The following SHLD1 variants were observed in gnomAD, a reference collection of about 807,000 sequenced individuals.
SHLD1 encodes shieldin complex subunit 1.
In SHLD1, 3 loss-of-function variants were observed where a neutral mutation model predicts 5.5. The observed-to-expected ratio is 0.54, with a 90% confidence interval of 0.25 to 1.40. The LOEUF is 1.40. SHLD1 is among the 40% of genes most tolerant of loss of function. The pLI is 0.15. For missense variants in SHLD1, 210 were observed against 244.4 expected (o/e 0.86, Z 0.94); for synonymous variants, 92 against 94.3 (o/e 0.98, Z 0.14).
At chr20:5,798,548 C>T (rs559471011) in intron 2 of SHLD1, among the ~76,000 whole-genome samples, 21 of 151,814 alleles carry the variant, frequency 1.4e-4, no homozygotes, top group East Asian at 5.8e-4. Context: ...GTGATCCGCC[C>T]GCCTCGGCCT....
intron 2 of SHLD1, among the ~76,000 whole-genome samples, chr20:5,829,881 G>GAAA (rs11482144): frequency 6.8e-6 from 1 of 147,934 alleles, no homozygotes; most frequent in Non-Finnish European, 1.5e-5. Flanking sequence ...TCTTCTTTAG[G>GAAA]AAAAAAAAAC....
At chr20:5,764,166 ATATATATAT>A (rs1984672760) in intron 1 of SHLD1, among the ~76,000 whole-genome samples, 39 of 95,060 alleles carry the variant, frequency 4.1e-4, no homozygotes, top group African/African-American at 1.4e-3. Context: ...ATTTATATAT[ATATATATAT>A]TTTTATATAT....
At chr20:5,814,599 A>G (rs552855183) in intron 2 of SHLD1, among the ~76,000 whole-genome samples, 1 of 152,016 alleles carries the variant, frequency 6.6e-6, no homozygotes, top group South Asian at 2.1e-4. Flanking sequence ...TAAAATTGCT[A>G]ACATCCTTTC....
At chr20:5,841,756 GATC>G (rs773869663) in intron 2 of SHLD1, among the ~76,000 whole-genome samples, 7 of 152,148 alleles carry the variant, frequency 4.6e-5, no homozygotes, top group Non-Finnish European at 1.0e-4. Flanking sequence ...TCTTTCTCAT[GATC>G]TCTTCAAAGA....
chr20:5,763,890 C>G (rs1984620076), intron 1 of SHLD1, among the ~76,000 whole-genome samples: 2 of 141,132 alleles, frequency 1.4e-5, no homozygotes, highest in African/African-American at 5.3e-5. Flanking sequence ...GGGTGGATCA[C>G]TTGAGGTCAG....
chr20:5,773,183 G>A (rs771667971), intron 2 of SHLD1, 140 bp downstream of exon 2: 3 of 978,496 alleles, frequency 3.1e-6, no homozygotes, highest in Non-Finnish European at 4.8e-6. Flanking sequence ...TCTTACCTAA[G>A]CAAAGCTTTC....
intron 2 of SHLD1, among the ~76,000 whole-genome samples, chr20:5,846,257 T>A (rs2087931494): frequency 6.6e-6 from 1 of 152,210 alleles, no homozygotes; most frequent in Non-Finnish European, 1.5e-5. Context: ...GGAAAAAGGA[T>A]CAGGTTTCTG....
chr20:5,758,363 G>C (rs1312599600), intron 1 of SHLD1, among the ~76,000 whole-genome samples: 1 of 142,504 alleles, frequency 7.0e-6, no homozygotes, highest in East Asian at 2.1e-4. Flanking sequence ...GAAGGAGAGG[G>C]GGAGGGGAAG....
intron 2 of SHLD1, among the ~76,000 whole-genome samples, chr20:5,809,467 C>T (rs1291913423): frequency 1.3e-5 from 2 of 152,002 alleles, no homozygotes; most frequent in East Asian, 3.8e-4. Context: ...TGAAGTGGGT[C>T]CCCAGTTCTG....
In SHLD1 at chr20:5,806,644, G is replaced by T. The variant is rs772625051; in HGVS notation, c.178+33601G>T. ...CCCAGGAGCTGTTGAGGGCAGTGGC[G>T]CCTGCTTCTGGCCATGGACAGAGAG... On this transcript the variant is annotated intron_variant, in intron 2 of 2. Coordinates refer to ENST00000303142, the MANE Select transcript of SHLD1 (RefSeq NM_152504.4). The surrounding 1 kb of genome is among the most constrained non-coding windows in gnomAD (Gnocchi z 7.6). Among the ~76,000 whole-genome samples the T allele has an allele frequency of 9.2e-5, 14 of 152,212 alleles. No homozygotes were observed. The highest frequency in any genetic ancestry group is 3.4e-4 in the African/African-American group (14 of 41,458).
intron 1 of SHLD1, among the ~76,000 whole-genome samples, chr20:5,763,268 C>A (rs1600094554): frequency 1.0e-5 from 1 of 100,370 alleles, no homozygotes; most frequent in African/African-American, 4.0e-5. Flanking sequence ...CCAGCCTGGG[C>A]AACAAGAGCA....
chr20:5,842,908 A>G (rs2087883005), intron 2 of SHLD1, among the ~76,000 whole-genome samples: 1 of 152,130 alleles, frequency 6.6e-6, no homozygotes, highest in Non-Finnish European at 1.5e-5. Context: ...TCCTAACTCA[A>G]ACTTTCAACT....
At chr20:5,755,710 C>G (rs1017237946) in intron 1 of SHLD1, among the ~76,000 whole-genome samples, 1 of 152,044 alleles carries the variant, frequency 6.6e-6, no homozygotes, top group Non-Finnish European at 1.5e-5. Context: ...CAGGCACGCA[C>G]CACCGCGCCT....
chr20:5,836,094 T>TG (rs1491208413), intron 2 of SHLD1, among the ~76,000 whole-genome samples: 1 of 150,596 alleles, frequency 6.6e-6, no homozygotes, highest in African/African-American at 2.5e-5. Context: ...GACAACTGGT[T>TG]GTTTTTTTTT....
At chr20:5,796,952 G>C (rs773216820) in intron 2 of SHLD1, among the ~76,000 whole-genome samples, 3 of 152,042 alleles carry the variant, frequency 2.0e-5, no homozygotes, top group Admixed American at 6.6e-5. Flanking sequence ...ACCTTCAACA[G>C]GCATGAGAAG....
intron 2 of SHLD1, among the ~76,000 whole-genome samples, chr20:5,810,007 C>T (rs1221766053): frequency 1.3e-5 from 2 of 151,988 alleles, no homozygotes; most frequent in Admixed American, 6.6e-5. Context: ...ACCTGTAATC[C>T]CAGCACTTTG....
intron 1 of SHLD1, among the ~76,000 whole-genome samples, chr20:5,764,791 GA>G (rs1380322907): frequency 6.6e-6 from 1 of 152,168 alleles, no homozygotes; most frequent in African/African-American, 2.4e-5. Flanking sequence ...GCAAGTCATA[GA>G]AAGAGTCTAG....
At chr20:5,790,980 T>C (rs751050795) in intron 2 of SHLD1, among the ~76,000 whole-genome samples, 17 of 151,636 alleles carry the variant, frequency 1.1e-4, no homozygotes, top group Non-Finnish European at 2.5e-4. Context: ...TTGGATGATA[T>C]AGTAAGACCC....
At chr20:5,816,109 A>G (rs1789562660) in intron 2 of SHLD1, among the ~76,000 whole-genome samples, 1 of 145,824 alleles carries the variant, frequency 6.9e-6, no homozygotes, top group Admixed American at 6.8e-5. Flanking sequence ...AAAAAAAAAG[A>G]AAGAAAAAGA....
Sources: allele counts gnomAD v4.1 joint callset (sites outside exome capture counted in the v4.1 genomes callset), GRCh38; gene constraint gnomAD v4.1.1; non-coding constraint Gnocchi (gnomAD v3.1); transcripts MANE v1.5; gene names NCBI Gene and HGNC (gene_info 2026-07-23, HGNC 2026-07-21).